Variants in RBMS3 observed in about 807,000 individuals in gnomAD.
RBMS3 encodes the protein RNA binding motif single stranded interacting protein 3, also known as RNA-binding motif, single-stranded-interacting protein 3.
A neutral mutation model predicts 66.8 loss-of-function variants in RBMS3; 27 were observed. The ratio of observed to expected loss-of-function variants is 0.40; its 90% CI spans 0.30 to 0.56. RBMS3 has a LOEUF of 0.56. RBMS3 is among the 20% of genes least tolerant of loss of function. The pLI is 0.40. For missense variants in RBMS3, 513 were observed against 549.5 expected (o/e 0.93, Z 0.66); for synonymous variants, 188 against 183.0 (o/e 1.03, Z -0.22).
intron 1 of RBMS3, among the ~76,000 whole-genome samples, chr3:29,427,755 T>A (rs2041017305): frequency 6.6e-6 from 1 of 152,058 alleles, no homozygotes; most frequent in South Asian, 2.1e-4. Flanking sequence ...GGGGAGACCA[T>A]CAGCAGAACA....
Position 29,812,705 on chromosome 3 carries a change from T to C in RBMS3, c.637+49716T>C, listed in dbSNP as rs1576880505. 2.6e-5 allele frequency among the ~76,000 whole-genome samples: 4 copies of C among 152,288 alleles called. No homozygotes were observed. In the South Asian group the frequency reaches 8.3e-4, roughly 32 times the overall value. On this transcript the variant is annotated intron_variant, in intron 6 of 14. Coordinates refer to ENST00000383767, the MANE Select transcript of RBMS3 (RefSeq NM_001003793.3). ...AGTATTAAGATGGAAAATAGTTTTATTGCCAAAAGTGAGAAAGAGTTTTTC... is the reference window on the plus strand; with the variant it reads ...AGTATTAAGATGGAAAATAGTTTTACTGCCAAAAGTGAGAAAGAGTTTTTC...
chr3:29,333,246 T>C (rs2035765968), intron 1 of RBMS3, among the ~76,000 whole-genome samples: 1 of 152,188 alleles, frequency 6.6e-6, no homozygotes, highest in Admixed American at 6.5e-5. Context: ...GTGTATTTCT[T>C]TCATGGCATA....
intron 12 of RBMS3, among the ~76,000 whole-genome samples, chr3:29,967,567 T>C (rs1696933736): frequency 6.6e-6 from 1 of 152,200 alleles, no homozygotes; most frequent in Admixed American, 6.5e-5. Context: ...AGTGCTGGGA[T>C]TACAGGCGTG....
At chr3:29,639,414 A>T (rs973677177) in intron 4 of RBMS3, among the ~76,000 whole-genome samples, 5 of 151,848 alleles carry the variant, frequency 3.3e-5, no homozygotes, top group African/African-American at 1.2e-4. Context: ...ACGCCTAGTG[A>T]TACTTTTATC....
intron 6 of RBMS3, among the ~76,000 whole-genome samples, chr3:29,814,228 A>G (rs1245025000): frequency 6.6e-6 from 1 of 151,948 alleles, no homozygotes; most frequent in South Asian, 2.1e-4. Flanking sequence ...TTCTGCATCT[A>G]TTGAGATAAT....
intron 4 of RBMS3, among the ~76,000 whole-genome samples, chr3:29,709,654 T>C (rs1576585038): frequency 6.6e-6 from 1 of 152,324 alleles, no homozygotes; most frequent in South Asian, 2.1e-4. Flanking sequence ...TGGTGTCCAA[T>C]ATAAACAAAA....
At chr3:29,812,891 G>A (rs2057768285) in intron 6 of RBMS3, among the ~76,000 whole-genome samples, 1 of 151,952 alleles carries the variant, frequency 6.6e-6, no homozygotes, top group Non-Finnish European at 1.5e-5. Flanking sequence ...TGATTTTTCA[G>A]CTTACTAATC....
At chr3:29,479,685 A>G (rs976839551) in intron 2 of RBMS3, among the ~76,000 whole-genome samples, 1 of 152,232 alleles carries the variant, frequency 6.6e-6, no homozygotes, top group Non-Finnish European at 1.5e-5. Flanking sequence ...GGGAAATTAG[A>G]CAATAGTTCC....
At chr3:29,867,501 A>G (rs1173510537) in intron 6 of RBMS3, among the ~76,000 whole-genome samples, 1 of 140,066 alleles carries the variant, frequency 7.1e-6, no homozygotes, top group Non-Finnish European at 1.6e-5. Flanking sequence ...GCATTGGATG[A>G]TCTAGTATGG....
intron 4 of RBMS3, among the ~76,000 whole-genome samples, chr3:29,591,978 C>T (rs2047753814): frequency 6.6e-6 from 1 of 151,840 alleles, no homozygotes; most frequent in Non-Finnish European, 1.5e-5. Context: ...TGTCAAGTAG[C>T]TTGAAAGGCA....
intron 4 of RBMS3, among the ~76,000 whole-genome samples, chr3:29,712,110 C>T (rs1267893019): frequency 6.6e-6 from 1 of 152,022 alleles, no homozygotes. Flanking sequence ...TCTTTTGCCT[C>T]ATTATATAAG....
At chr3:29,586,196 T>C (rs1397207601) in intron 3 of RBMS3, among the ~76,000 whole-genome samples, 1 of 152,236 alleles carries the variant, frequency 6.6e-6, no homozygotes, top group East Asian at 1.9e-4. Context: ...GCTGTCCTTA[T>C]ACTCACTCTT....
intron 4 of RBMS3, chr3:29,731,018 A>C: frequency 2.0e-6 from 2 of 985,410 alleles, no homozygotes; most frequent in Non-Finnish European, 2.4e-6. Flanking sequence ...AAGGTAACTT[A>C]AATTTAGTCA....
chr3:29,820,334 A>G (rs1346340967), intron 6 of RBMS3, among the ~76,000 whole-genome samples: 3 of 151,286 alleles, frequency 2.0e-5, no homozygotes, highest in South Asian at 2.1e-4. Flanking sequence ...GAAGGTGACA[A>G]TTGAATCCTT....
chr3:29,601,866 G>A (rs2048157162), intron 4 of RBMS3, among the ~76,000 whole-genome samples: 1 of 152,038 alleles, frequency 6.6e-6, no homozygotes, highest in African/African-American at 2.4e-5. Flanking sequence ...AGACAGTGGT[G>A]ACATTTGCTT....
intron 3 of RBMS3, among the ~76,000 whole-genome samples, chr3:29,581,305 T>TATG (rs1198043264): frequency 6.6e-6 from 1 of 152,186 alleles, no homozygotes; most frequent in Non-Finnish European, 1.5e-5. Flanking sequence ...TCTTCTGTGA[T>TATG]CACATAATGC....
At chr3:29,595,446 CT>C (rs1430356975) in intron 4 of RBMS3, among the ~76,000 whole-genome samples, 1 of 150,456 alleles carries the variant, frequency 6.6e-6, no homozygotes, top group Non-Finnish European at 1.5e-5. Context: ...AACATCAACA[CT>C]TTCAAACTTT....
intron 2 of RBMS3, among the ~76,000 whole-genome samples, chr3:29,472,327 C>T (rs1468967113): frequency 6.6e-6 from 1 of 151,890 alleles, no homozygotes; most frequent in Non-Finnish European, 1.5e-5. Flanking sequence ...TCCTCAGTAG[C>T]TAGGATTACA....
At chr3:29,849,987 C>T (rs963852748) in intron 6 of RBMS3, among the ~76,000 whole-genome samples, 2 of 152,182 alleles carry the variant, frequency 1.3e-5, no homozygotes, top group Admixed American at 6.5e-5. Flanking sequence ...ATATGCCTAC[C>T]TGCCTTTTGC....
Sources: allele counts gnomAD v4.1 joint callset (sites outside exome capture counted in the v4.1 genomes callset), GRCh38; gene constraint gnomAD v4.1.1; transcripts MANE v1.5; gene names NCBI Gene and HGNC (gene_info 2026-07-23, HGNC 2026-07-21).